RANBP2: variants seen among roughly 807,000 people sequenced by gnomAD.
RANBP2 encodes the protein E3 SUMO-protein ligase RanBP2.
RANBP2 carries 57 observed loss-of-function variants against 303.6 expected under a neutral mutation model. The ratio of observed to expected loss-of-function variants is 0.19; its 90% CI spans 0.15 to 0.23. RANBP2 has a LOEUF of 0.23. RANBP2 is among the 10% of genes least tolerant of loss of function. The pLI is 1.00. For missense variants in RANBP2, 3,138 were observed against 3,780.8 expected, an observed-to-expected ratio of 0.83 and a Z score of 4.46; for synonymous variants, 1,167 against 1,301.5, an observed-to-expected ratio of 0.90 and a Z score of 2.23.
At chr2:109,347,718 G>A in the RANBP2 span, 21 of 1,613,882 alleles carry the variant, frequency 1.3e-5, no homozygotes, top group Non-Finnish European at 1.8e-5. Flanking sequence ...ACAGCTACGA[G>A]GGGAAGGAAC....
At chr2:109,060,765 G>A in the RANBP2 span, among the ~76,000 whole-genome samples, 1 of 151,976 alleles carries the variant, frequency 6.6e-6, no homozygotes, top group Non-Finnish European at 1.5e-5. Flanking sequence ...TGTAGATTAT[G>A]GTTTTCCTGT....
chr2:108,816,434 G>C, the RANBP2 span, among the ~76,000 whole-genome samples: 1 of 152,174 alleles, frequency 6.6e-6, no homozygotes, highest in African/African-American at 2.4e-5. Flanking sequence ...CTGGGCAACA[G>C]AGCAAGACTC....
the RANBP2 span, among the ~76,000 whole-genome samples, chr2:109,393,234 G>A: frequency 1.4e-4 from 22 of 152,208 alleles, no homozygotes; most frequent in African/African-American, 3.9e-4. Context: ...TAAGGCGAAC[G>A]CCCCACAGGA....
At chr2:108,974,511 C>A in the RANBP2 span, among the ~76,000 whole-genome samples, 1 of 151,746 alleles carries the variant, frequency 6.6e-6, no homozygotes, top group South Asian at 2.1e-4. Flanking sequence ...GGGGGTGGAT[C>A]ACCAGGTCAG....
chr2:108,922,476 CCCT>C, the RANBP2 span, among the ~76,000 whole-genome samples: 1 of 152,352 alleles, frequency 6.6e-6, no homozygotes. Flanking sequence ...CAGCACAGAA[CCCT>C]CCTCCTGGCT....
At chr2:109,631,502 TC>T in the RANBP2 span, among the ~76,000 whole-genome samples, 2 of 152,182 alleles carry the variant, frequency 1.3e-5, no homozygotes, top group Admixed American at 6.5e-5. Flanking sequence ...CCACCAGTAA[TC>T]CCAGCATTTT....
the RANBP2 span, among the ~76,000 whole-genome samples, chr2:109,606,714 C>CTT: frequency 8.9e-6 from 1 of 111,918 alleles, no homozygotes; most frequent in Non-Finnish European, 1.7e-5. Flanking sequence ...GAGTCTCACT[C>CTT]TGTCACTCAG....
the RANBP2 span, among the ~76,000 whole-genome samples, chr2:109,216,639 C>T: frequency 6.6e-6 from 1 of 152,230 alleles, no homozygotes; most frequent in Admixed American, 6.5e-5. Context: ...GATGGGTGCC[C>T]ACCCTGCATG....
chr2:109,076,889 CAA>C, the RANBP2 span, among the ~76,000 whole-genome samples: 1 of 150,474 alleles, frequency 6.6e-6, no homozygotes, highest in Admixed American at 6.6e-5. Context: ...AATAGGAAAA[CAA>C]TTCTGAAATT....
At chr2:108,964,549 CCA>C in the RANBP2 span, among the ~76,000 whole-genome samples, 2 of 152,202 alleles carry the variant, frequency 1.3e-5, no homozygotes, top group African/African-American at 4.8e-5. Flanking sequence ...CCCAACCAAA[CCA>C]CAGTCACCAG....
chr2:109,434,967 A>T, the RANBP2 span, among the ~76,000 whole-genome samples: 4 of 152,190 alleles, frequency 2.6e-5, no homozygotes, highest in African/African-American at 4.8e-5. Context: ...ACACTGGAGC[A>T]CTTAGAGTGG....
At chr2:109,482,863 G>T in the RANBP2 span, among the ~76,000 whole-genome samples, 1 of 152,126 alleles carries the variant, frequency 6.6e-6, no homozygotes, top group East Asian at 1.9e-4. Context: ...GCACTTCACT[G>T]GCTGCTGCCT....
chr2:109,569,274 C>A, the RANBP2 span, among the ~76,000 whole-genome samples: 2 of 151,900 alleles, frequency 1.3e-5, no homozygotes, highest in Non-Finnish European at 2.9e-5. Flanking sequence ...ACTAAAAATA[C>A]AAAATAATTA....
chr2:108,988,714 T>G, the RANBP2 span, among the ~76,000 whole-genome samples: 5 of 152,258 alleles, frequency 3.3e-5, no homozygotes, highest in South Asian at 8.3e-4. Flanking sequence ...ACAGAATTTG[T>G]CTCCCTAACC....
the RANBP2 span, among the ~76,000 whole-genome samples, chr2:109,770,056 C>G: frequency 1.9e-5 from 2 of 107,708 alleles, no homozygotes; most frequent in South Asian, 3.1e-4. Flanking sequence ...ACAACCCGCC[C>G]CCCACCACAC....
At chr2:109,011,706 CTT>C in the RANBP2 span, among the ~76,000 whole-genome samples, 39 of 152,258 alleles carry the variant, frequency 2.6e-4, no homozygotes, top group African/African-American at 9.1e-4. Flanking sequence ...GTTTGTTAGT[CTT>C]TTTCCCTCCT....
chr2:109,592,232 A>C, the RANBP2 span, among the ~76,000 whole-genome samples: 2 of 151,964 alleles, frequency 1.3e-5, no homozygotes, highest in Admixed American at 6.6e-5. Context: ...TGGGAGGCTG[A>C]GGGAGGCAAA....
the RANBP2 span, among the ~76,000 whole-genome samples, chr2:109,595,457 C>T: frequency 1.3e-5 from 2 of 152,174 alleles, no homozygotes; most frequent in Non-Finnish European, 2.9e-5. Context: ...TCCCAGTCAT[C>T]ATGTGGTACC....
At chr2:109,205,161 T>G in the RANBP2 span, among the ~76,000 whole-genome samples, 1 of 152,178 alleles carries the variant, frequency 6.6e-6, no homozygotes, top group Non-Finnish European at 1.5e-5. Context: ...GAGCCATGTT[T>G]ATGCCGCTGC....
Sources: allele counts gnomAD v4.1 joint callset (sites outside exome capture counted in the v4.1 genomes callset), GRCh38; gene constraint gnomAD v4.1.1; transcripts MANE v1.5; gene names NCBI Gene and HGNC (gene_info 2026-07-23, HGNC 2026-07-21).